Variants in CNTN5 observed in about 807,000 individuals in gnomAD.
CNTN5 encodes contactin 5, also known as contactin-5.
A neutral mutation model predicts 129.1 loss-of-function variants in CNTN5; 77 were observed. That is an observed-to-expected ratio of 0.60 (90% CI 0.50 to 0.72). The LOEUF (loss-of-function observed/expected upper bound fraction) is 0.72. Ranked by LOEUF, CNTN5 falls within the 30% of genes least tolerant of loss-of-function variation. CNTN5 has a pLI of 0.00. For synonymous variants in CNTN5, 509 were observed against 465.6 expected, an observed-to-expected ratio of 1.09 and a Z score of -1.20; for missense variants, 1,478 against 1,328.8, an observed-to-expected ratio of 1.11 and a Z score of -1.75.
chr11:99,477,214 G>T (rs918991089), intron 2 of CNTN5, among the ~76,000 whole-genome samples: 1 of 151,836 alleles, frequency 6.6e-6, no homozygotes, highest in African/African-American at 2.4e-5. Context: ...TTTAGGAAAA[G>T]ATTATTAATA....
At chr11:99,381,816 G>A (rs763129660) in intron 2 of CNTN5, among the ~76,000 whole-genome samples, 19 of 152,108 alleles carry the variant, frequency 1.2e-4, no homozygotes, top group Non-Finnish European at 2.5e-4. Flanking sequence ...GGTCCAACAT[G>A]TTAGAAGTAA....
At chr11:100,191,825 G>A (rs975150157) in intron 14 of CNTN5, among the ~76,000 whole-genome samples, 3 of 151,730 alleles carry the variant, frequency 2.0e-5, no homozygotes, top group African/African-American at 4.8e-5. Context: ...GTTCTAAAAT[G>A]AGCTCGATTT....
intron 8 of CNTN5, among the ~76,000 whole-genome samples, chr11:99,989,888 C>T (rs1938947517): frequency 6.6e-6 from 1 of 152,136 alleles, no homozygotes; most frequent in Non-Finnish European, 1.5e-5. Flanking sequence ...GCCTCAGCCT[C>T]CCGAGTAGCT....
chr11:99,117,948 G>T (rs866879414), intron 1 of CNTN5, among the ~76,000 whole-genome samples: 2 of 152,062 alleles, frequency 1.3e-5, no homozygotes, highest in South Asian at 2.1e-4. Flanking sequence ...CAGCCCGAGC[G>T]GACTAATACA....
Position 99,934,898 on chromosome 11 carries a change from GTATATATATATATATATATATATATA to G in CNTN5, c.673+18774_673+18799del, listed in dbSNP as rs200635742. Among the ~76,000 whole-genome samples, 176 of 67,942 alleles carry G rather than the reference GTATATATATATATATATATATATATA, an allele frequency of 2.6e-3. 4 individuals are homozygous for G. Among genetic ancestry groups the G allele is most frequent in the Non-Finnish European group, 3.4e-3 (136 of 39,654 alleles). The allele number at this position is 67,942 out of a possible 152,430, so 44.6% of individuals were successfully genotyped here. On this transcript the variant is annotated intron_variant, in intron 7 of 24. Transcript: ENST00000524871. The stretch of plus-strand genomic sequence containing the variant: ...TGTGTGTGTGTGTGTGTGTGTGTGT[GTATATATATATATATATATATATATA>G]TATATATATATATATATATATATAC...
chr11:99,981,097 TATATATACAC>T (rs147962395), intron 8 of CNTN5, among the ~76,000 whole-genome samples: 40,506 of 126,796 alleles, frequency 0.32, 6,629 homozygotes, highest in African/African-American at 0.42. Context: ...TATATATATA[TATATATACAC>T]ACACACACAC....
chr11:99,509,715 A>T (rs1946762464), intron 2 of CNTN5, among the ~76,000 whole-genome samples: 1 of 152,114 alleles, frequency 6.6e-6, no homozygotes, highest in East Asian at 1.9e-4. Flanking sequence ...ATGAATAAAT[A>T]AAAATAAAAA....
At chr11:99,675,132 G>A (rs972701308) in intron 3 of CNTN5, among the ~76,000 whole-genome samples, 13 of 152,082 alleles carry the variant, frequency 8.5e-5, no homozygotes, top group African/African-American at 2.9e-4. Context: ...AATTGTTGGA[G>A]TAAACATTGC....
At chr11:99,919,262 G>A (rs957960375) in intron 7 of CNTN5, among the ~76,000 whole-genome samples, 8 of 151,266 alleles carry the variant, frequency 5.3e-5, no homozygotes, top group South Asian at 2.1e-4. Context: ...CTTGTGTGGC[G>A]CTGTAGTTCA....
intron 13 of CNTN5, among the ~76,000 whole-genome samples, chr11:100,169,766 C>T (rs1172837283): frequency 6.6e-6 from 1 of 151,912 alleles, no homozygotes; most frequent in East Asian, 1.9e-4. Flanking sequence ...AACTTTTCTT[C>T]CATAGTAGCT....
chr11:100,070,631 C>A (rs1200480555), intron 11 of CNTN5, 71 bp downstream of exon 11: 1 of 1,451,312 alleles, frequency 6.9e-7, no homozygotes, highest in Non-Finnish European at 9.6e-7. Flanking sequence ...AACTAGGCTT[C>A]TTTAGTCTTA....
chr11:100,025,415 G>A (rs1941367701), intron 9 of CNTN5, among the ~76,000 whole-genome samples: 1 of 152,244 alleles, frequency 6.6e-6, no homozygotes, highest in Non-Finnish European at 1.5e-5. Context: ...CTGGTGCAGT[G>A]CAGAAGGGAA....
chr11:100,046,050 G>T (rs552738904), intron 9 of CNTN5, among the ~76,000 whole-genome samples: 2 of 149,234 alleles, frequency 1.3e-5, no homozygotes, highest in East Asian at 4.0e-4. Flanking sequence ...CTGGTGTGCT[G>T]CACCCATTAA....
intron 1 of CNTN5, among the ~76,000 whole-genome samples, chr11:99,312,480 A>AT (rs1266688572): frequency 1.1e-4 from 16 of 152,068 alleles, no homozygotes; most frequent in Non-Finnish European, 2.4e-4. Context: ...AAGAAATACA[A>AT]TTTTTTCTCC....
intron 16 of CNTN5, among the ~76,000 whole-genome samples, chr11:100,234,792 T>TAAAAAAAAAAAAAAAAAAAAAAAAAAAA (rs781363668): frequency 9.8e-6 from 1 of 102,066 alleles, no homozygotes. Flanking sequence ...TCCCAGAATT[T>TAAAAAAAAAAAAAAAAAAAAAAAAAAAA]AAAAAAAAAA....
At chr11:100,026,248 G>T (rs781305921) in intron 9 of CNTN5, among the ~76,000 whole-genome samples, 1 of 151,746 alleles carries the variant, frequency 6.6e-6, no homozygotes, top group Non-Finnish European at 1.5e-5. Flanking sequence ...TCTTCCTGAC[G>T]CCTGGTGAAG....
At chr11:99,345,616 A>G (rs1937793703) in intron 2 of CNTN5, among the ~76,000 whole-genome samples, 1 of 152,218 alleles carries the variant, frequency 6.6e-6, no homozygotes, top group Non-Finnish European at 1.5e-5. Flanking sequence ...CTCAAGATCA[A>G]GATTTGATCC....
chr11:100,126,011 C>A (rs1447336994), intron 13 of CNTN5, among the ~76,000 whole-genome samples: 1 of 151,992 alleles, frequency 6.6e-6, no homozygotes, highest in Non-Finnish European at 1.5e-5. Flanking sequence ...TATCTATTTT[C>A]ATTTATTTCA....
At chr11:99,879,998 A>C (rs907358434) in intron 6 of CNTN5, among the ~76,000 whole-genome samples, 22 of 152,196 alleles carry the variant, frequency 1.4e-4, no homozygotes, top group African/African-American at 5.3e-4. Flanking sequence ...GTCTGTGAGA[A>C]TATCTTTCAA....
Sources: gnomAD v4.1 joint callset for allele counts (sites outside exome capture counted in the v4.1 genomes callset) on GRCh38, gnomAD v4.1.1 for gene constraint, MANE v1.5 for transcripts, NCBI Gene and HGNC (gene_info 2026-07-23, HGNC 2026-07-21) for gene names.